Variants in RANBP2 observed in about 807,000 individuals in gnomAD.
RANBP2 encodes the protein RAN binding protein 2, also known as E3 SUMO-protein ligase RanBP2.
RANBP2 carries 57 observed loss-of-function variants against 303.6 expected under a neutral mutation model. That is an observed-to-expected ratio of 0.19 (90% CI 0.15 to 0.23). The LOEUF (loss-of-function observed/expected upper bound fraction) is 0.23, where lower values mean the gene tolerates loss of function less well. Ranked by LOEUF, RANBP2 falls within the 10% of genes least tolerant of loss-of-function variation. RANBP2 has a pLI of 1.00. For synonymous variants in RANBP2, 1,167 were observed against 1,301.5 expected (o/e 0.90, Z 2.23); for missense variants, 3,138 against 3,780.8 (o/e 0.83, Z 4.46).
chr2:109,040,851 C>T, the RANBP2 span, among the ~76,000 whole-genome samples: 5 of 152,144 alleles, frequency 3.3e-5, no homozygotes, highest in South Asian at 4.1e-4. Context: ...GTCAGGAGAT[C>T]GAGACCATCC....
the RANBP2 span, among the ~76,000 whole-genome samples, chr2:109,489,229 AAT>A: frequency 6.6e-6 from 1 of 152,244 alleles, no homozygotes; most frequent in Non-Finnish European, 1.5e-5. Context: ...CAGTGGAACA[AAT>A]GCTGGTCACC....
chr2:109,593,656 G>A, the RANBP2 span, among the ~76,000 whole-genome samples: 4 of 151,866 alleles, frequency 2.6e-5, no homozygotes, highest in East Asian at 1.9e-4. Context: ...GGCCTGCCTC[G>A]GCCTCCCAGA....
chr2:109,251,392 A>G, the RANBP2 span: 1 of 679,486 alleles, frequency 1.5e-6, no homozygotes. Context: ...TTCCTTTCCA[A>G]GGCATCTGTG....
the RANBP2 span, among the ~76,000 whole-genome samples, chr2:109,388,713 G>GCT: frequency 6.6e-6 from 1 of 152,218 alleles, no homozygotes; most frequent in Non-Finnish European, 1.5e-5. Context: ...TGTGAAATGA[G>GCT]ACCCCTGCAA....
the RANBP2 span, among the ~76,000 whole-genome samples, chr2:109,146,988 C>A: frequency 6.7e-6 from 1 of 149,644 alleles, no homozygotes; most frequent in Non-Finnish European, 1.5e-5. Flanking sequence ...GGGCCCTTCC[C>A]TGGGACTCAT....
the RANBP2 span, among the ~76,000 whole-genome samples, chr2:109,188,762 G>C: frequency 6.6e-6 from 1 of 152,176 alleles, no homozygotes. Flanking sequence ...CACCATCGCA[G>C]AAGCCAAGCG....
the RANBP2 span, among the ~76,000 whole-genome samples, chr2:108,903,798 A>G: frequency 6.6e-6 from 1 of 152,210 alleles, no homozygotes; most frequent in African/African-American, 2.4e-5. Context: ...TGTAAAACAT[A>G]AAAACTATGT....
At chr2:108,936,907 C>A in the RANBP2 span, among the ~76,000 whole-genome samples, 7 of 152,226 alleles carry the variant, frequency 4.6e-5, no homozygotes, top group African/African-American at 1.7e-4. Flanking sequence ...GCCTTGCCAG[C>A]CTGAAGTCCT....
intron 9 of RANBP2, among the ~76,000 whole-genome samples, chr2:108,749,596 C>T (rs1675689412): frequency 6.6e-6 from 1 of 151,906 alleles, no homozygotes; most frequent in Non-Finnish European, 1.5e-5. Flanking sequence ...CTGCGACCAG[C>T]CTTGTTGTAT....
the RANBP2 span, among the ~76,000 whole-genome samples, chr2:109,490,431 A>G: frequency 1.1e-3 from 172 of 152,350 alleles, no homozygotes; most frequent in African/African-American, 4.0e-3. Flanking sequence ...CTGGTGCAAG[A>G]AAATGCTGGT....
chr2:109,736,187 G>T, the RANBP2 span, among the ~76,000 whole-genome samples: 2 of 152,190 alleles, frequency 1.3e-5, no homozygotes, highest in East Asian at 1.9e-4. Flanking sequence ...GGCAACAATT[G>T]TATCTTTTTT....
chr2:109,459,447 C>G, the RANBP2 span, among the ~76,000 whole-genome samples: 1 of 152,282 alleles, frequency 6.6e-6, no homozygotes, highest in Admixed American at 6.5e-5. Flanking sequence ...CCTGAAGGGA[C>G]TGGGCCATTT....
the RANBP2 span, among the ~76,000 whole-genome samples, chr2:109,524,983 G>T: frequency 4.0e-5 from 6 of 151,802 alleles, no homozygotes; most frequent in South Asian, 8.4e-4. Flanking sequence ...TCCGTCCTCT[G>T]CATCTTCACT....
Position 108,767,598 on chromosome 2 carries a change from C to T in RANBP2, c.7059C>T (p.Gly2353=), listed in dbSNP as rs1346140241. The T allele has an allele frequency of 1.2e-6, 2 of 1,611,698 alleles. No individual in the cohort carries two copies. Among genetic ancestry groups the T allele is most frequent in the Non-Finnish European group, 1.7e-6 (2 of 1,179,846 alleles). ...ATGTTGGTCAATGGAAAGAAAGGGG[C>T]ATTGGTGATATAAAGATTTTACAGA... is the stretch of plus-strand genomic sequence containing the variant. ...DKDVGQWKER[G]IGDIKILQNY... is the part of the protein sequence containing the mutation. The change falls in exon 20 of 29, where the codon GGC becomes GGT. Residue 2353 remains glycine (G), a synonymous_variant. Coordinates refer to ENST00000283195, the MANE Select transcript of RANBP2 (RefSeq NM_006267.5).
the RANBP2 span, among the ~76,000 whole-genome samples, chr2:109,067,630 G>A: frequency 2.0e-5 from 3 of 152,216 alleles, no homozygotes; most frequent in Admixed American, 6.5e-5. Context: ...TCTATATGTA[G>A]TCACTAAGAA....
the RANBP2 span, among the ~76,000 whole-genome samples, chr2:109,625,094 A>C: frequency 2.7e-5 from 4 of 148,764 alleles, no homozygotes; most frequent in African/African-American, 7.4e-5. Context: ...CAACAAAAAA[A>C]AAAAAAAAAA....
the RANBP2 span, among the ~76,000 whole-genome samples, chr2:108,949,585 CT>C: frequency 4.0e-5 from 6 of 151,558 alleles, no homozygotes; most frequent in East Asian, 3.9e-4. Flanking sequence ...ATCATAAAAT[CT>C]TTTTTTTTCC....
the RANBP2 span, among the ~76,000 whole-genome samples, chr2:109,187,735 A>G: frequency 6.6e-6 from 1 of 152,198 alleles, no homozygotes; most frequent in Non-Finnish European, 1.5e-5. Context: ...TAAGTGGTGC[A>G]TGACTGTGTA....
At chr2:109,632,826 AAAAC>A in the RANBP2 span, among the ~76,000 whole-genome samples, 4 of 151,912 alleles carry the variant, frequency 2.6e-5, no homozygotes, top group Non-Finnish European at 2.9e-5. Context: ...CTCAAAAAAA[AAAAC>A]AAAACAAAAC....
Sources: allele counts gnomAD v4.1 joint callset (sites outside exome capture counted in the v4.1 genomes callset), GRCh38; gene constraint gnomAD v4.1.1; transcripts MANE v1.5; gene names NCBI Gene and HGNC (gene_info 2026-07-23, HGNC 2026-07-21).